OSBPL9: variants seen among roughly 807,000 people sequenced by gnomAD.
OSBPL9 encodes the protein oxysterol-binding protein-related protein 9.
Under a neutral mutation model 106.6 loss-of-function variants are expected in OSBPL9, and 40 were observed. The ratio of observed to expected loss-of-function variants is 0.38; its 90% CI spans 0.29 to 0.49. The LOEUF (loss-of-function observed/expected upper bound fraction) is 0.49, where lower values mean the gene tolerates loss of function less well. OSBPL9 is among the 20% of genes least tolerant of loss of function. OSBPL9 has a pLI of 0.97. For synonymous variants in OSBPL9, 269 were observed against 295.4 expected, an observed-to-expected ratio of 0.91 and a Z score of 0.92; for missense variants, 609 against 887.2, an observed-to-expected ratio of 0.69 and a Z score of 3.98.
At position 51,601,314 on chromosome 1, in the gene OSBPL9, C is replaced by T. The variant is rs140892763; in HGVS notation, c.-353+3121C>T. Among the ~76,000 whole-genome samples, 1,017 of 152,322 alleles carry T rather than the reference C, an allele frequency of 6.7e-3. 5 individuals carry two copies. The highest frequency in any genetic ancestry group is 0.01 in the Non-Finnish European group (710 of 68,026). ...AGATTAGATCTTTGTAATTGATATA[C>T]TTCCACTTAAGGGTTGAAACCCTGC... On this transcript the variant is annotated intron_variant, in intron 2 of 25. Coordinates refer to the OSBPL9 transcript ENST00000371714.
chr1:51,668,738 AC>A lies in OSBPL9; in HGVS notation c.163-690del, dbSNP rs992703905. Among the ~76,000 whole-genome samples the A allele has an allele frequency of 2.6e-3, 400 of 152,064 alleles. 1 individual carries two copies. The highest frequency in any genetic ancestry group is 9.1e-3 in the African/African-American group (379 of 41,472). On this transcript the variant is annotated intron_variant, in intron 2 of 23. Coordinates refer to ENST00000428468, the MANE Select transcript of OSBPL9 (RefSeq NM_024586.6). ...AGTTCCCCATTGTGTGTGCCTGCCCACCCCCCAGTTTGGAGAGTTGTTTGTG... is the reference window on the plus strand; with the variant it reads ...AGTTCCCCATTGTGTGTGCCTGCCCACCCCCAGTTTGGAGAGTTGTTTGTG...
the OSBPL9 span, among the ~76,000 whole-genome samples, chr1:51,544,532 G>A: frequency 9.2e-5 from 14 of 152,156 alleles, no homozygotes; most frequent in African/African-American, 2.2e-4. Context: ...TGGAACTTTC[G>A]TGTAGGCTTT....
chr1:51,570,746 G>A, the OSBPL9 span, among the ~76,000 whole-genome samples: 2 of 152,232 alleles, frequency 1.3e-5, no homozygotes, highest in Admixed American at 1.3e-4. Flanking sequence ...TGAAGGTCAA[G>A]TGAGTAAGAG....
chr1:51,743,627 T>C (rs1667386942), intron 4 of OSBPL9, among the ~76,000 whole-genome samples: 1 of 152,180 alleles, frequency 6.6e-6, no homozygotes, highest in Non-Finnish European at 1.5e-5. Context: ...CCTTTTAAAA[T>C]ATTTACTAAA....
chr1:51,749,297 A>G (rs1207446575), intron 7 of OSBPL9, among the ~76,000 whole-genome samples: 1 of 152,122 alleles, frequency 6.6e-6, no homozygotes, highest in Non-Finnish European at 1.5e-5. Flanking sequence ...TTTATTCTCC[A>G]TACTTCCATC....
At chr1:51,770,774 TA>T (rs1163707696) in intron 12 of OSBPL9, among the ~76,000 whole-genome samples, 2 of 152,194 alleles carry the variant, frequency 1.3e-5, no homozygotes, top group African/African-American at 4.8e-5. Flanking sequence ...CAAACTAGAA[TA>T]ACATAATATA....
At chr1:51,677,729 T>C (rs1042844406) in intron 3 of OSBPL9, among the ~76,000 whole-genome samples, 8 of 152,074 alleles carry the variant, frequency 5.3e-5, no homozygotes, top group Admixed American at 2.6e-4. Flanking sequence ...TTTTGTATTT[T>C]TGGTAGAGAC....
At chr1:51,762,352 G>A (rs1671704506) in intron 11 of OSBPL9, among the ~76,000 whole-genome samples, 1 of 151,976 alleles carries the variant, frequency 6.6e-6, no homozygotes, top group African/African-American at 2.4e-5. Context: ...TTTGTAGAGA[G>A]GAGTCTCCCT....
intron 12 of OSBPL9, among the ~76,000 whole-genome samples, chr1:51,768,938 C>T (rs1258257734): frequency 6.6e-6 from 1 of 152,206 alleles, no homozygotes; most frequent in Non-Finnish European, 1.5e-5. Context: ...CTCAATTTCA[C>T]TCTTCCTTGT....
chr1:51,704,120 G>C (rs1232309121), intron 3 of OSBPL9, among the ~76,000 whole-genome samples: 1 of 152,176 alleles, frequency 6.6e-6, no homozygotes, highest in Non-Finnish European at 1.5e-5. Flanking sequence ...GTCTCTGCCA[G>C]GCTTTGGTAT....
intron 3 of OSBPL9, among the ~76,000 whole-genome samples, chr1:51,708,289 C>T (rs1376413328): frequency 9.1e-4 from 94 of 103,506 alleles, no homozygotes; most frequent in Non-Finnish European, 1.2e-3. Flanking sequence ...TTACTGGTTT[C>T]TAGCTTAAAT....
intron 15 of OSBPL9, among the ~76,000 whole-genome samples, chr1:51,778,514 A>C (rs1159398719): frequency 6.6e-6 from 1 of 152,270 alleles, no homozygotes; most frequent in Non-Finnish European, 1.5e-5. Context: ...CTTTTAAGAC[A>C]AGAAATATTA....
chr1:51,673,205 A>T (rs1305611852), intron 3 of OSBPL9, among the ~76,000 whole-genome samples: 1 of 152,216 alleles, frequency 6.6e-6, no homozygotes, highest in Non-Finnish European at 1.5e-5. Context: ...GGAGGAGAGA[A>T]GGATCAGCAA....
chr1:51,587,485 T>G (rs1211535525), intron 1 of OSBPL9, among the ~76,000 whole-genome samples: 1 of 152,244 alleles, frequency 6.6e-6, no homozygotes, highest in East Asian at 1.9e-4. Flanking sequence ...CATCTGTTCT[T>G]TGACACTTCC....
intron 8 of OSBPL9, among the ~76,000 whole-genome samples, chr1:51,754,304 A>G (rs1669893423): frequency 6.6e-6 from 1 of 152,218 alleles, no homozygotes; most frequent in Non-Finnish European, 1.5e-5. Flanking sequence ...GCTATGCTAG[A>G]CATGCTTTGG....
intron 2 of OSBPL9, among the ~76,000 whole-genome samples, chr1:51,652,489 T>C (rs1310265885): frequency 2.0e-5 from 3 of 152,214 alleles, no homozygotes; most frequent in Non-Finnish European, 2.9e-5. Flanking sequence ...ACATCTATAA[T>C]TTAAGATTTT....
At chr1:51,636,606 G>A (rs1481684004) in intron 1 of OSBPL9, among the ~76,000 whole-genome samples, 3 of 151,824 alleles carry the variant, frequency 2.0e-5, no homozygotes. Context: ...CCAAAATGCT[G>A]GGATTGCAGG....
intron 4 of OSBPL9, among the ~76,000 whole-genome samples, chr1:51,732,915 C>A (rs892422484): frequency 2.6e-5 from 4 of 152,234 alleles, no homozygotes; most frequent in East Asian, 1.9e-4. Flanking sequence ...CCACGGCATC[C>A]ACTGTGAACT....
intron 4 of OSBPL9, among the ~76,000 whole-genome samples, chr1:51,721,506 A>G (rs1662120899): frequency 6.6e-6 from 1 of 152,176 alleles, no homozygotes; most frequent in Non-Finnish European, 1.5e-5. Flanking sequence ...TTTAAGGTAC[A>G]ATTTAGGAGA....
Sources: gnomAD v4.1 joint callset for allele counts (sites outside exome capture counted in the v4.1 genomes callset) on GRCh38, gnomAD v4.1.1 for gene constraint, MANE v1.5 for transcripts, NCBI Gene and HGNC (gene_info 2026-07-23, HGNC 2026-07-21) for gene names.